LRRC14: variants seen among roughly 807,000 people sequenced by gnomAD.
The protein encoded by LRRC14 is leucine rich repeat containing 14.
Under a neutral mutation model 25.3 loss-of-function variants are expected in LRRC14, and 16 were observed. That is an observed-to-expected ratio of 0.63 (90% confidence interval 0.43 to 0.96). The LOEUF (loss-of-function observed/expected upper bound fraction) is 0.96. Ranked by LOEUF, LRRC14 falls within the 40% of genes least tolerant of loss-of-function variation. The probability of loss-of-function intolerance (pLI) is 0.00; values close to 1 mark genes in which losing one functional copy is unlikely to be tolerated. For missense variants in LRRC14, 594 were observed against 660.5 expected (o/e 0.90, Z 1.10); for synonymous variants, 359 against 295.1 (o/e 1.22, Z -2.22).
chr8:144,522,892 C>A lies in LRRC14; in HGVS notation c.*1414C>A. ...CGGCGGGGCGGGCGGCCGGAGGCGG[C>A]GGTTGCGCGGGCTGCTGCGGCTGCT... On this transcript the variant is annotated 3_prime_UTR_variant, in exon 4 of 4. Coordinates refer to ENST00000292524, the MANE Select transcript of LRRC14 (RefSeq NM_014665.4). The A allele has an allele frequency of 1.6e-6, 2 of 1,284,582 alleles. No individual in the cohort carries two copies. The highest frequency in any genetic ancestry group is 2.0e-6 in the Non-Finnish European group (2 of 1,022,692). The allele number at this position is 1,284,582 out of a possible 1,614,324, so 79.6% of individuals were successfully genotyped here.
chr8:144,519,883 C>A lies in LRRC14; in HGVS notation c.158C>A (p.Thr53Lys). The A allele has an allele frequency of 6.2e-7, 1 of 1,613,502 alleles. No individual in the cohort carries two copies. The highest frequency in any genetic ancestry group is 8.5e-7 in the Non-Finnish European group (1 of 1,180,036). The change falls in exon 2 of 4, where the codon ACG becomes AAG. Residue 53 changes from threonine (T) to lysine (K), a missense_variant. Transcript: ENST00000292524. The part of the protein sequence containing the change: ...KTVVLRELVH[T>K]WPFPLLSFQQ... The stretch of plus-strand genomic sequence containing the variant: ...GTGGTACTGCGCGAGTTGGTACACA[C>A]GTGGCCCTTCCCGCTGCTCAGTTTC...
At position 144,521,221 on chromosome 8, in the gene LRRC14, G is replaced by A. The variant is rs1431492220; in HGVS notation, c.1225G>A (p.Gly409Ser). The A allele has an allele frequency of 1.2e-6, 2 of 1,613,194 alleles. No individual in the cohort carries two copies. The highest frequency in any genetic ancestry group is 1.7e-6 in the Non-Finnish European group (2 of 1,180,040). ...GLYGNPLSMA[G>S]LKELLRDSVA... ...CTATGGCAACCCACTGTCCATGGCG[G>A]GCCTCAAGGAGCTGCTGCGGGACTC... Residue 409 changes from glycine to serine, a missense_variant, in exon 4 of 4, where the codon GGC (glycine) becomes AGC (serine). Gly to Ser is a moderately conservative substitution (Grantham distance 56). Coordinates refer to ENST00000292524, the MANE Select transcript of LRRC14 (RefSeq NM_014665.4).
At position 144,520,386 on chromosome 8, in the gene LRRC14, C is replaced by G; in HGVS notation, c.478C>G (p.Pro160Ala). The G allele has an allele frequency of 6.2e-7, 1 of 1,609,256 alleles. No homozygotes were observed. Among genetic ancestry groups the G allele is most frequent in the Non-Finnish European group, 8.5e-7 (1 of 1,178,812 alleles). Reference sequence around the variant, plus strand: ...GCAGGGTGGGGCCGCAGAGCCTGGGCCAGCCCCCATCCCCGTGGAGGTGCG... The same window carrying G: ...GCAGGGTGGGGCCGCAGAGCCTGGGGCAGCCCCCATCCCCGTGGAGGTGCG... ...QQQGGAAEPGPAPIPVEVRVD... is the reference protein window; with the variant it reads ...QQQGGAAEPGAAPIPVEVRVD... The change falls in exon 3 of 4, where the codon CCA becomes GCA. Residue 160 changes from proline to alanine, a missense_variant. Transcript: ENST00000292524.
At position 144,520,547 on chromosome 8, in the gene LRRC14, G is replaced by C; in HGVS notation, c.639G>C (p.Leu213=). The C allele has an allele frequency of 5.0e-6, 8 of 1,600,020 alleles. No individual in the cohort carries two copies. Among genetic ancestry groups the C allele is most frequent in the Non-Finnish European group, 5.9e-6 (7 of 1,179,876 alleles). Residue 213 remains leucine, a synonymous_variant, in exon 3 of 4, where the codon CTG becomes CTC. Coordinates refer to ENST00000292524, the MANE Select transcript of LRRC14 (RefSeq NM_014665.4). ...EDLPMRNTVA[L]LQLLDAGCLR... is the part of the protein sequence containing the mutation. ...TGCCCATGCGCAACACTGTGGCCCT[G>C]CTGCAGCTTCTGGATGCAGGCTGCC... is the stretch of plus-strand genomic sequence containing the variant.
In LRRC14 at chr8:144,524,928, A is replaced by C; in HGVS notation, c.*3450A>C. 1 of 1,511,912 alleles carries C rather than the reference A, an allele frequency of 6.6e-7. No homozygotes were observed. The highest frequency in any genetic ancestry group is 2.5e-5 in the East Asian group (1 of 39,906). The allele number at this position is 1,511,912 out of a possible 1,614,324, so 93.7% of individuals were successfully genotyped here. ...TGGGCAGCCGGCGGCGCGGAGCGGCAGTAGTAGCAGCAGCAGCGGCAGCAG... is the reference window on the plus strand; with the variant it reads ...TGGGCAGCCGGCGGCGCGGAGCGGCCGTAGTAGCAGCAGCAGCGGCAGCAG... On this transcript the variant is annotated 3_prime_UTR_variant, in exon 4 of 4. Coordinates refer to ENST00000292524, the MANE Select transcript of LRRC14 (RefSeq NM_014665.4).
chr8:144,521,196 C>G lies in LRRC14; in HGVS notation c.1200C>G (p.Leu400=). ...TQCASLRYLG[L]YGNPLSMAGL... ...GCGCCAGTCTCCGGTACCTTGGCCT[C>G]TATGGCAACCCACTGTCCATGGCGG... Residue 400 remains leucine, a synonymous_variant, in exon 4 of 4, where the codon CTC becomes CTG. Coordinates refer to ENST00000292524, the MANE Select transcript of LRRC14 (RefSeq NM_014665.4). The G allele has an allele frequency of 6.2e-7, 1 of 1,613,302 alleles. No homozygotes were observed. Among genetic ancestry groups the G allele is most frequent in the South Asian group, 1.1e-5 (1 of 91,088 alleles).
Position 144,525,027 on chromosome 8 carries a change from T to C in LRRC14, c.*3549T>C. The C allele has an allele frequency of 2.9e-6, 4 of 1,380,462 alleles. No individual in the cohort carries two copies. The highest frequency in any genetic ancestry group is 3.7e-6 in the Non-Finnish European group (4 of 1,070,658). 85.5% of individuals were successfully genotyped at this position (1,380,462 alleles called of 1,614,324 possible). ...CTTCCGCGGTTCAGCCGCAGACGCGTGCCCTCCTGAAACACAGGTTGGCAG... is the reference window on the plus strand; with the variant it reads ...CTTCCGCGGTTCAGCCGCAGACGCGCGCCCTCCTGAAACACAGGTTGGCAG... On this transcript the variant is annotated 3_prime_UTR_variant, in exon 4 of 4. Transcript: ENST00000292524.
At position 144,524,631 on chromosome 8, in the gene LRRC14, T is replaced by C. The variant is rs1357525493; in HGVS notation, c.*3153T>C. On this transcript the variant is annotated 3_prime_UTR_variant, in exon 4 of 4. Transcript: ENST00000292524. ...GGCCTCCAGGGCGCGCAGGCTGTTGTTGTGCAGGTAGAGCCGGCGCAGAGC... is the reference window on the plus strand; with the variant it reads ...GGCCTCCAGGGCGCGCAGGCTGTTGCTGTGCAGGTAGAGCCGGCGCAGAGC... 2 of 1,522,296 alleles carry C rather than the reference T, an allele frequency of 1.3e-6. No homozygotes were observed. Among genetic ancestry groups the C allele is most frequent in the Non-Finnish European group, 1.7e-6 (2 of 1,142,992 alleles). The allele number at this position is 1,522,296 out of a possible 1,614,324, so 94.3% of individuals were successfully genotyped here. A position where few individuals can be genotyped will look rare whatever the true frequency, so the allele number is the denominator to read the frequency against.
Position 144,521,420 on chromosome 8 carries a change from A to G in LRRC14, c.1424A>G (p.His475Arg), listed in dbSNP as rs1402305512. 2 of 1,610,302 alleles carry G rather than the reference A, an allele frequency of 1.2e-6. No homozygotes were observed. Among genetic ancestry groups the G allele is most frequent in the Admixed American group, 1.7e-5 (1 of 60,014 alleles). ...CTGCTTCTAGCCTCAGGCCGTGCCC[A>G]TGTGCTCTGGACCACGGACATCTAC... is the stretch of plus-strand genomic sequence containing the variant. ...HQLLLASGRA[H>R]VLWTTDIYGR... is the part of the protein sequence containing the mutation. The change falls in exon 4 of 4, where the codon CAT becomes CGT. Residue 475 changes from histidine to arginine, a missense_variant. His to Arg is a conservative substitution (Grantham distance 29). Coordinates refer to ENST00000292524, the MANE Select transcript of LRRC14 (RefSeq NM_014665.4).
rs1815513957 is a variant in LRRC14, at chr8:144,517,995, G to A, written c.-158G>A. 3 of 296,368 alleles carry A rather than the reference G, an allele frequency of 1.0e-5. No homozygotes were observed. The highest frequency in any genetic ancestry group is 5.5e-5 in the Admixed American group (1 of 18,080). 18.4% of individuals were successfully genotyped at this position (296,368 alleles called of 1,614,324 possible). A position where few individuals can be genotyped will look rare whatever the true frequency, so the allele number is the denominator to read the frequency against. ...GCCGCGGCGCCGGGCGGGGAGCGGC[G>A]GACGGTCTAGGCGGGGCTGGAGGCG... is the stretch of plus-strand genomic sequence containing the variant. On this transcript the variant is annotated 5_prime_UTR_variant, in exon 1 of 4. Transcript: ENST00000292524.
chr8:144,522,819 C>T lies in LRRC14; in HGVS notation c.*1341C>T. On this transcript the variant is annotated 3_prime_UTR_variant, in exon 4 of 4. Transcript: ENST00000292524. ...GCAATGGCCGTCTGTGTGGCCACGCCCAGGGCGCGGAAGGCCATGCTGCCC... is the reference window on the plus strand; with the variant it reads ...GCAATGGCCGTCTGTGTGGCCACGCTCAGGGCGCGGAAGGCCATGCTGCCC... The T allele has an allele frequency of 1.3e-6, 2 of 1,491,828 alleles. No individual in the cohort carries two copies. Among genetic ancestry groups the T allele is most frequent in the South Asian group, 1.3e-5 (1 of 79,642 alleles). 92.4% of individuals were successfully genotyped at this position (1,491,828 alleles called of 1,614,324 possible). A position where few individuals can be genotyped will look rare whatever the true frequency, so the allele number is the denominator to read the frequency against.
In LRRC14 at chr8:144,522,641, A is replaced by G. The variant is rs1182166378; in HGVS notation, c.*1163A>G. ...GCCGCGCTCGTCGCGGAGCTCCTCT[A>G]GCTGTGCGAACGTACAGGGGCCGTC... is the stretch of plus-strand genomic sequence containing the variant. On this transcript the variant is annotated 3_prime_UTR_variant, in exon 4 of 4. Transcript: ENST00000292524. 1 of 1,584,696 alleles carries G rather than the reference A, an allele frequency of 6.3e-7. No individual in the cohort carries two copies. Among genetic ancestry groups the G allele is most frequent in the East Asian group, 2.4e-5 (1 of 41,824 alleles).
Position 144,524,973 on chromosome 8 carries a change from A to G in LRRC14, c.*3495A>G, listed in dbSNP as rs1484035881. The G allele has an allele frequency of 1.4e-6, 2 of 1,460,078 alleles. No individual in the cohort carries two copies. The highest frequency in any genetic ancestry group is 2.6e-5 in the East Asian group (1 of 38,324). The allele number at this position is 1,460,078 out of a possible 1,614,324, so 90.4% of individuals were successfully genotyped here. On this transcript the variant is annotated 3_prime_UTR_variant, in exon 4 of 4. Transcript: ENST00000292524. Reference sequence around the variant, plus strand: ...CAGCAGTGCGGGGGCCCTCAGGGCCATCTCCCGAGGCCCGGTTCCTCACCG... The same window carrying G: ...CAGCAGTGCGGGGGCCCTCAGGGCCGTCTCCCGAGGCCCGGTTCCTCACCG...
At position 144,524,474 on chromosome 8, in the gene LRRC14, C is replaced by T. The variant is rs778459411; in HGVS notation, c.*2996C>T. 4.1e-5 allele frequency: 65 copies of T among 1,597,714 alleles called. No individual in the cohort carries two copies. In the African/African-American group the frequency reaches 7.2e-4, roughly 18 times the overall value. On this transcript the variant is annotated 3_prime_UTR_variant, in exon 4 of 4. Transcript: ENST00000292524. Reference sequence around the variant, plus strand: ...GCAAGAAGGTGAAATCCAGCAGCCGCGCCAGCTGGTTGCCCGCCAGGTAGA... The same window carrying T: ...GCAAGAAGGTGAAATCCAGCAGCCGTGCCAGCTGGTTGCCCGCCAGGTAGA...
rs541891880 is a variant in LRRC14 at position 144,523,147 on chromosome 8, C to T, written c.*1669C>T. 3 of 1,610,948 alleles carry T rather than the reference C, an allele frequency of 1.9e-6. No individual in the cohort carries two copies. The highest frequency in any genetic ancestry group is 2.2e-5 in the South Asian group (2 of 90,926). ...GCTGGGGCACCTTTCTCCAGGTCAC[C>T]AATGGCTGCGGGTAGCCGGAGGCTT... On this transcript the variant is annotated 3_prime_UTR_variant, in exon 4 of 4. Coordinates refer to ENST00000292524, the MANE Select transcript of LRRC14 (RefSeq NM_014665.4).
chr8:144,520,084 C>T, intron 2 of LRRC14, 30 bp downstream of exon 2: 1 of 1,588,778 alleles, frequency 6.3e-7, no homozygotes, highest in South Asian at 1.1e-5. Context: ...GTCGTCAGGC[C>T]AGGGGTGTGT....
rs1816268311 is a variant in LRRC14 at position 144,524,391 on chromosome 8, G to A, written c.*2913G>A. On this transcript the variant is annotated 3_prime_UTR_variant, in exon 4 of 4. Transcript: ENST00000292524. The stretch of plus-strand genomic sequence containing the variant: ...TTTCTAACTATTCCAGCCCTACAGG[G>A]CGAGGGGCCATAATGGAGTATCCCG... 2.5e-6 allele frequency: 4 copies of A among 1,594,170 alleles called. No homozygotes were observed. Among genetic ancestry groups the A allele is most frequent in the African/African-American group, 2.7e-5 (2 of 74,766 alleles).
At position 144,522,693 on chromosome 8, in the gene LRRC14, C is replaced by T. The variant is rs751338852; in HGVS notation, c.*1215C>T. On this transcript the variant is annotated 3_prime_UTR_variant, in exon 4 of 4. Transcript: ENST00000292524. ...AAGTAGTCGTTGACGAACAGCGCTCCCTCCCCCGGAGGCCCCCGCGCCTTT... is the reference window on the plus strand; with the variant it reads ...AAGTAGTCGTTGACGAACAGCGCTCTCTCCCCCGGAGGCCCCCGCGCCTTT... The T allele has an allele frequency of 1.9e-6, 3 of 1,596,892 alleles. No homozygotes were observed. The highest frequency in any genetic ancestry group is 2.7e-5 in the African/African-American group (2 of 73,734).
chr8:144,524,883 C>G lies in LRRC14; in HGVS notation c.*3405C>G. The G allele has an allele frequency of 6.6e-7, 1 of 1,513,696 alleles. No homozygotes were observed. Among genetic ancestry groups the G allele is most frequent in the Non-Finnish European group, 8.8e-7 (1 of 1,132,532 alleles). 93.8% of individuals were successfully genotyped at this position (1,513,696 alleles called of 1,614,324 possible). On this transcript the variant is annotated 3_prime_UTR_variant, in exon 4 of 4. Transcript: ENST00000292524. The stretch of plus-strand genomic sequence containing the variant: ...CAGGGCGCCACACTCCACCGTGGCG[C>G]TGTAGCAGCGGCAGGCTGCTGGGCA...
Sources: allele counts gnomAD v4.1 joint callset, GRCh38; gene constraint gnomAD v4.1.1; transcripts MANE v1.5; gene names NCBI Gene and HGNC (gene_info 2026-07-23, HGNC 2026-07-21).